The following FHOD3 variants were observed in gnomAD, a reference collection of about 807,000 sequenced individuals.
FHOD3 encodes FH1/FH2 domain-containing protein 3.
Under a neutral mutation model 173.0 loss-of-function variants are expected in FHOD3, and 90 were observed. The observed-to-expected ratio is 0.52, with a 90% CI of 0.44 to 0.62. FHOD3 has a LOEUF of 0.62. FHOD3 is among the 20% of genes least tolerant of loss of function. The probability of loss-of-function intolerance (pLI) is 0.00; values close to 1 mark genes in which losing one functional copy is unlikely to be tolerated. For synonymous variants in FHOD3, 828 were observed against 823.0 expected (o/e 1.01, Z -0.10); for missense variants, 1,945 against 2,034.7 (o/e 0.96, Z 0.85).
At chr18:36,607,541 A>C (rs892023535) in intron 8 of FHOD3, among the ~76,000 whole-genome samples, 3 of 152,110 alleles carry the variant, frequency 2.0e-5, no homozygotes, top group African/African-American at 7.2e-5. Flanking sequence ...CTTTTAGCAA[A>C]TGGTCACTTG....
intron 24 of FHOD3, among the ~76,000 whole-genome samples, chr18:36,752,605 G>GAATACCA (rs1436270271): frequency 6.6e-6 from 1 of 152,136 alleles, no homozygotes; most frequent in Non-Finnish European, 1.5e-5. Flanking sequence ...TCTTCTGAAG[G>GAATACCA]AATACCATAG....
At chr18:36,594,225 T>C (rs1212926009) in intron 6 of FHOD3, among the ~76,000 whole-genome samples, 1 of 152,104 alleles carries the variant, frequency 6.6e-6, no homozygotes, top group Non-Finnish European at 1.5e-5. Context: ...ATGTGGCTCC[T>C]GGCAAATGCT....
At chr18:36,727,802 G>T (rs1417722400) in intron 19 of FHOD3, among the ~76,000 whole-genome samples, 2 of 152,216 alleles carry the variant, frequency 1.3e-5, no homozygotes, top group African/African-American at 4.8e-5. Flanking sequence ...TCTGAGTAGT[G>T]CTTCTCCCCC....
intron 3 of FHOD3, among the ~76,000 whole-genome samples, chr18:36,400,904 C>G (rs17673361): frequency 0.21 from 32,587 of 152,058 alleles, 4,100 homozygotes; most frequent in East Asian, 0.67. Context: ...CATTTGACAT[C>G]GAGGAAGGAG....
chr18:36,384,252 C>T (rs552497024), intron 3 of FHOD3, among the ~76,000 whole-genome samples: 1 of 152,028 alleles, frequency 6.6e-6, no homozygotes, highest in South Asian at 2.1e-4. Context: ...TGGTGGTGGG[C>T]GCCTGTAGTC....
chr18:36,334,685 A>C (rs2045209623), intron 1 of FHOD3, among the ~76,000 whole-genome samples: 1 of 152,162 alleles, frequency 6.6e-6, no homozygotes, highest in African/African-American at 2.4e-5. Context: ...GGGACAGTGA[A>C]GCTTGATGAA....
chr18:36,731,400 C>T (rs920427639), intron 20 of FHOD3, among the ~76,000 whole-genome samples: 3 of 152,182 alleles, frequency 2.0e-5, no homozygotes, highest in African/African-American at 4.8e-5. Context: ...CCACGTTCTC[C>T]CTCCACTGTG....
chr18:36,557,307 G>A (rs563271830), intron 5 of FHOD3, among the ~76,000 whole-genome samples: 329 of 152,058 alleles, frequency 2.2e-3, no homozygotes, highest in African/African-American at 7.7e-3. Flanking sequence ...TACGTTTACC[G>A]ATGCTATTTA....
At chr18:36,502,028 T>C in intron 4 of FHOD3, 29 bp downstream of exon 4, 1 of 1,456,770 alleles carries the variant, frequency 6.9e-7, no homozygotes, top group Non-Finnish European at 9.5e-7. Context: ...AGTACTTACC[T>C]GTTTTTACAT....
At chr18:36,592,799 G>C (rs565984293) in intron 6 of FHOD3, among the ~76,000 whole-genome samples, 16 of 152,238 alleles carry the variant, frequency 1.1e-4, no homozygotes, top group Admixed American at 2.0e-4. Flanking sequence ...TAGGTGGAAG[G>C]GGGTAAGCAT....
chr18:36,382,999 CTG>C (rs1372674440), intron 3 of FHOD3, among the ~76,000 whole-genome samples: 1 of 152,180 alleles, frequency 6.6e-6, no homozygotes, highest in African/African-American at 2.4e-5. Flanking sequence ...GCAGGTCTGT[CTG>C]TGTGTGTGAT....
chr18:36,490,919 C>G (rs1185520808), intron 3 of FHOD3, among the ~76,000 whole-genome samples: 1 of 152,218 alleles, frequency 6.6e-6, no homozygotes, highest in African/African-American at 2.4e-5. Flanking sequence ...AGAGTAGATA[C>G]AGATGTGTCT....
chr18:36,651,651 C>G (rs1194409434), intron 11 of FHOD3, among the ~76,000 whole-genome samples: 1 of 151,778 alleles, frequency 6.6e-6, no homozygotes, highest in Non-Finnish European at 1.5e-5. Context: ...ACTTGGGAGG[C>G]TGAGGCAGAA....
At chr18:36,624,742 A>T (rs961715008) in intron 9 of FHOD3, among the ~76,000 whole-genome samples, 6 of 152,170 alleles carry the variant, frequency 3.9e-5, no homozygotes, top group Non-Finnish European at 8.8e-5. Flanking sequence ...TTCCCCATGT[A>T]AGCCGGAGTG....
rs183081436 is a variant in FHOD3 at position 36,438,150 on chromosome 18, G to A, written c.338-63782G>A. On this transcript the variant is annotated intron_variant, in intron 3 of 28. Transcript: ENST00000590592. ...CACAGAGAAAACTTGACAATAGAGG[G>A]TATTATCCAGAAATATTATTTATCT... 1.8e-4 allele frequency among the ~76,000 whole-genome samples: 28 copies of A among 152,178 alleles called. No individual in the cohort carries two copies. In the East Asian group the frequency reaches 5.2e-3, roughly 29 times the overall value.
intron 3 of FHOD3, among the ~76,000 whole-genome samples, chr18:36,406,173 C>A (rs530936967): frequency 6.6e-6 from 1 of 151,926 alleles, no homozygotes; most frequent in Non-Finnish European, 1.5e-5. Context: ...GAAATGGGAC[C>A]AGTTTTCATG....
At chr18:36,321,271 A>G (rs924836071) in intron 1 of FHOD3, among the ~76,000 whole-genome samples, 1 of 152,178 alleles carries the variant, frequency 6.6e-6, no homozygotes, top group African/African-American at 2.4e-5. Flanking sequence ...GCCAGGGCCC[A>G]TCTGTGCTCT....
At chr18:36,607,932 AC>A (rs1168250751) in intron 8 of FHOD3, among the ~76,000 whole-genome samples, 1 of 152,184 alleles carries the variant, frequency 6.6e-6, no homozygotes, top group African/African-American at 2.4e-5. Flanking sequence ...TTGTATTTCT[AC>A]CAACCACTTC....
rs2036159414 is a variant in FHOD3 at position 36,652,870 on chromosome 18, C to G, written c.1587C>G (p.Asp529Glu). 14 of 1,535,902 alleles carry G rather than the reference C, an allele frequency of 9.1e-6. No homozygotes were observed. The East Asian group carries it at 3.4e-4, about 38-fold the overall frequency. ...PHSPFHLFSY[D>E]FEDSSLSTKE... The stretch of plus-strand genomic sequence containing the variant: ...GCCCCTTCCACCTCTTCTCCTATGA[C>G]TTTGAGGACTCCTCCCTGTCCACCA... The change falls in exon 12 of 29, where the codon GAC becomes GAG. Residue 529 changes from aspartate (D) to glutamate (E), a missense_variant. This residue lies in a region of FHOD3 where 1,099 missense variants were observed against 1,051.2 expected (regional missense o/e 1.05). Transcript: ENST00000590592.
Sources: allele counts gnomAD v4.1 joint callset (sites outside exome capture counted in the v4.1 genomes callset), GRCh38; gene constraint gnomAD v4.1.1; regional missense constraint gnomAD v4.1.1; transcripts MANE v1.5; gene names NCBI Gene and HGNC (gene_info 2026-07-23, HGNC 2026-07-21).